Variants in ANKS1B observed in about 807,000 individuals in gnomAD.
The protein encoded by ANKS1B is ankyrin repeat and sterile alpha motif domain-containing protein 1B.
A neutral mutation model predicts 148.3 loss-of-function variants in ANKS1B; 36 were observed. The ratio of observed to expected loss-of-function variants is 0.24; its 90% CI spans 0.19 to 0.32. The LOEUF is 0.32. ANKS1B is among the 10% of genes least tolerant of loss of function. ANKS1B has a pLI of 1.00. For missense variants in ANKS1B, 1,157 were observed against 1,542.6 expected (o/e 0.75, Z 4.19); for synonymous variants, 542 against 560.8 (o/e 0.97, Z 0.47).
intron 10 of ANKS1B, among the ~76,000 whole-genome samples, chr12:99,475,001 C>T (rs1304585287): frequency 6.6e-6 from 1 of 151,698 alleles, no homozygotes; most frequent in African/African-American, 2.4e-5. Flanking sequence ...CACTGGTAGG[C>T]CGAGGTGGGC....
intron 1 of ANKS1B, among the ~76,000 whole-genome samples, chr12:99,912,838 A>G (rs984613275): frequency 4.8e-4 from 73 of 152,312 alleles, no homozygotes; most frequent in African/African-American, 1.7e-3. Context: ...ATGTGTCCAT[A>G]GAAGTAGAGT....
intron 1 of ANKS1B, among the ~76,000 whole-genome samples, chr12:99,948,834 C>T (rs1187556784): frequency 6.6e-6 from 1 of 152,164 alleles, no homozygotes; most frequent in African/African-American, 2.4e-5. Context: ...AGCTAAGGAT[C>T]AGCACTGTAA....
intron 17 of ANKS1B, among the ~76,000 whole-genome samples, chr12:98,914,058 C>G (rs182028107): frequency 6.6e-6 from 1 of 152,114 alleles, no homozygotes; most frequent in Non-Finnish European, 1.5e-5. Flanking sequence ...TCAAATATCA[C>G]GCTGAATTGT....
intron 1 of ANKS1B, among the ~76,000 whole-genome samples, chr12:99,940,010 A>G (rs1392151295): frequency 6.6e-6 from 1 of 152,228 alleles, no homozygotes; most frequent in African/African-American, 2.4e-5. Context: ...ACGTACTTTC[A>G]TTGACAATTT....
At chr12:98,826,657 A>G (rs557071534) in intron 19 of ANKS1B, among the ~76,000 whole-genome samples, 3 of 152,338 alleles carry the variant, frequency 2.0e-5, no homozygotes, top group African/African-American at 7.2e-5. Flanking sequence ...TAGGTAAGAA[A>G]GAAAGCCTGA....
chr12:99,124,418 A>ATGTGTGTGTGTGTGTGTGTGTG (rs71081900), intron 15 of ANKS1B, among the ~76,000 whole-genome samples: 1 of 149,862 alleles, frequency 6.7e-6, no homozygotes, highest in African/African-American at 2.5e-5. Flanking sequence ...ATTTGTGTGC[A>ATGTGTGTGTGTGTGTGTGTGTG]TGTGTGTGTG....
intron 1 of ANKS1B, among the ~76,000 whole-genome samples, chr12:99,888,137 C>T (rs1363906474): frequency 6.6e-6 from 1 of 152,152 alleles, no homozygotes; most frequent in Non-Finnish European, 1.5e-5. Flanking sequence ...GTTCACTCCA[C>T]AAATATTAAT....
At chr12:99,278,362 A>G (rs2077958634) in intron 12 of ANKS1B, among the ~76,000 whole-genome samples, 2 of 152,358 alleles carry the variant, frequency 1.3e-5, no homozygotes, top group South Asian at 4.1e-4. Flanking sequence ...CCCTGTGTCC[A>G]GGTCCCATCA....
chr12:99,870,215 T>C (rs2091328122), intron 1 of ANKS1B, among the ~76,000 whole-genome samples: 1 of 152,220 alleles, frequency 6.6e-6, no homozygotes, highest in South Asian at 2.1e-4. Flanking sequence ...GCTCCTGCAT[T>C]AATTCACTTG....
chr12:99,623,054 T>A (rs949763024), intron 9 of ANKS1B, among the ~76,000 whole-genome samples: 1 of 152,014 alleles, frequency 6.6e-6, no homozygotes, highest in Non-Finnish European at 1.5e-5. Context: ...CATTTTACCA[T>A]GATCACACAG....
At chr12:99,397,903 C>T (rs1308718635) in intron 12 of ANKS1B, among the ~76,000 whole-genome samples, 1 of 152,014 alleles carries the variant, frequency 6.6e-6, no homozygotes, top group Non-Finnish European at 1.5e-5. Flanking sequence ...ACCTAAATGA[C>T]ACTTAGGCAC....
chr12:98,980,436 G>T (rs1030195525), intron 17 of ANKS1B, among the ~76,000 whole-genome samples: 5 of 152,206 alleles, frequency 3.3e-5, no homozygotes, highest in Non-Finnish European at 7.3e-5. Flanking sequence ...TAGATCTCCT[G>T]ACCTCGTGAT....
At chr12:99,069,495 G>A (rs1410871555) in intron 16 of ANKS1B, among the ~76,000 whole-genome samples, 1 of 152,150 alleles carries the variant, frequency 6.6e-6, no homozygotes, top group African/African-American at 2.4e-5. Context: ...GTAAAGAAGG[G>A]GTTGAGGGTT....
At chr12:98,990,784 GC>G (rs1426542487) in intron 17 of ANKS1B, among the ~76,000 whole-genome samples, 1 of 152,196 alleles carries the variant, frequency 6.6e-6, no homozygotes, top group African/African-American at 2.4e-5. Context: ...GTGATATCTT[GC>G]CTTTCTGTTA....
chr12:99,526,459 T>C (rs2096927545), intron 9 of ANKS1B, among the ~76,000 whole-genome samples: 1 of 152,174 alleles, frequency 6.6e-6, no homozygotes, highest in African/African-American at 2.4e-5. Context: ...ATGCTGGATA[T>C]GCTGTATGTT....
chr12:99,563,508 AAC>A (rs747824471), intron 9 of ANKS1B, among the ~76,000 whole-genome samples: 1 of 152,100 alleles, frequency 6.6e-6, no homozygotes, highest in Non-Finnish European at 1.5e-5. Context: ...GCAGTCAGAA[AAC>A]ACACAACACT....
chr12:98,918,536 T>A (rs12368438), intron 17 of ANKS1B, among the ~76,000 whole-genome samples: 12,221 of 152,256 alleles, frequency 0.08, 666 homozygotes, highest in Admixed American at 0.17. Flanking sequence ...TTACAAGGAA[T>A]CCTATGATGA....
intron 26 of ANKS1B, among the ~76,000 whole-genome samples, chr12:98,750,725 G>A (rs2153393148): frequency 6.6e-6 from 1 of 152,326 alleles, no homozygotes; most frequent in South Asian, 2.1e-4. Flanking sequence ...ATGCAAGCCT[G>A]TTGGGACAGG....
intron 1 of ANKS1B, among the ~76,000 whole-genome samples, chr12:99,957,702 AT>A (rs1465582914): frequency 6.6e-6 from 1 of 152,222 alleles, no homozygotes; most frequent in African/African-American, 2.4e-5. Context: ...AATGGGCACA[AT>A]GCCTAGCACA....
Sources: allele counts gnomAD v4.1 joint callset (sites outside exome capture counted in the v4.1 genomes callset), GRCh38; gene constraint gnomAD v4.1.1; transcripts MANE v1.5; gene names NCBI Gene and HGNC (gene_info 2026-07-23, HGNC 2026-07-21).